Variants in ABCC2 observed in about 807,000 individuals in gnomAD.
ABCC2 encodes ATP binding cassette subfamily C member 2, also known as ATP-binding cassette sub-family C member 2.
Under a neutral mutation model 173.4 loss-of-function variants are expected in ABCC2, and 157 were observed. The observed-to-expected ratio is 0.91, with a 90% CI of 0.80 to 1.03. The LOEUF is 1.03. ABCC2 is among the 50% of genes least tolerant of loss of function. ABCC2 has a pLI of 0.00. For synonymous variants in ABCC2, 657 were observed against 693.5 expected (o/e 0.95, Z 0.83); for missense variants, 1,822 against 1,852.3 (o/e 0.98, Z 0.30).
At chr10:99,838,401 C>T (rs1395312579) in intron 25 of ABCC2, among the ~76,000 whole-genome samples, 48 of 115,412 alleles carry the variant, frequency 4.2e-4, no homozygotes, top group Admixed American at 6.4e-4. Context: ...ACCTCCCTCC[C>T]GGACGGGGCG....
At chr10:99,787,264 C>A (rs7393105) in intron 2 of ABCC2, among the ~76,000 whole-genome samples, 88,085 of 152,062 alleles carry the variant, frequency 0.58, 25,806 homozygotes, top group East Asian at 0.77. Flanking sequence ...CCGTCTCCTC[C>A]TTCCCCTTAT....
intron 16 of ABCC2, among the ~76,000 whole-genome samples, chr10:99,816,905 C>G (rs1469759813): frequency 2.0e-5 from 3 of 152,156 alleles, no homozygotes; most frequent in Admixed American, 6.5e-5. Flanking sequence ...GAAAAATTGT[C>G]TTCCACAAAA....
At chr10:99,845,593 G>A in intron 28 of ABCC2, 31 bp from the exon 29 acceptor site, 2 of 1,613,776 alleles carry the variant, frequency 1.2e-6, no homozygotes, top group Middle Eastern at 1.6e-4. Context: ...ATTATTTGTG[G>A]AACTAATGTG....
rs758213088 is a variant in ABCC2, at chr10:99,782,816, G to A, written c.-29G>A. ...ACAACACAATCATATTAATAGAAGAGTCTTCGTTCCAGACGCAGTCCAGGA... is the reference window on the plus strand; with the variant it reads ...ACAACACAATCATATTAATAGAAGAATCTTCGTTCCAGACGCAGTCCAGGA... On this transcript the variant is annotated 5_prime_UTR_variant, in exon 1 of 32. Transcript: ENST00000647814. 1.2e-6 allele frequency: 2 copies of A among 1,612,906 alleles called. No homozygotes were observed. The highest frequency in any genetic ancestry group is 1.3e-5 in the African/African-American group (1 of 74,928).
chr10:99,822,948 C>T (rs1219800003), intron 19 of ABCC2, among the ~76,000 whole-genome samples: 1 of 151,872 alleles, frequency 6.6e-6, no homozygotes, highest in Non-Finnish European at 1.5e-5. Context: ...TCCGGAACTC[C>T]CATTACAGCA....
At chr10:99,797,794 AAAC>A (rs1469388112) in intron 7 of ABCC2, 1 of 209,182 alleles carries the variant, frequency 4.8e-6, no homozygotes, top group African/African-American at 2.3e-5. Context: ...TAAGAAAATA[AAAC>A]AATAGTGTAT....
chr10:99,784,865 T>C, intron 2 of ABCC2, 84 bp downstream of exon 2: 1 of 1,543,674 alleles, frequency 6.5e-7, no homozygotes, highest in Non-Finnish European at 8.9e-7. Context: ...TTCTCTTCCT[T>C]GTCTTTAAGC....
chr10:99,833,955 TG>T (rs2038779510), intron 23 of ABCC2, among the ~76,000 whole-genome samples: 1 of 152,238 alleles, frequency 6.6e-6, no homozygotes, highest in African/African-American at 2.4e-5. Flanking sequence ...CTGTTCCCGC[TG>T]GGTTCCTTGG....
chr10:99,813,269 G>A lies in ABCC2; in HGVS notation c.2094+125G>A, dbSNP rs372071517. ...GGTCTTGGAGACATCCGATAGATTT[G>A]TGGACTGTGATTCTCCTTCCCATTT... On this transcript the variant is annotated intron_variant, in intron 16 of 31. Transcript: ENST00000647814. The A allele has an allele frequency of 6.2e-4, 809 of 1,294,586 alleles. No homozygotes were observed. The African/African-American group carries it at 9.9e-3, about 16-fold the overall frequency. The allele number at this position is 1,294,586 out of a possible 1,614,324, so 80.2% of individuals were successfully genotyped here.
At position 99,841,009 on chromosome 10, in the gene ABCC2, T is replaced by C. The variant is rs543446854; in HGVS notation, c.3615-958T>C. On this transcript the variant is annotated intron_variant, in intron 25 of 31. Coordinates refer to ENST00000647814, the MANE Select transcript of ABCC2 (RefSeq NM_000392.5). The stretch of plus-strand genomic sequence containing the variant: ...CTAGGCCTGTCACAGTAAAAGTCCA[T>C]TCTTATAAACTGTGTCTATACACAT... Among the ~76,000 whole-genome samples, 4 of 152,280 alleles carry C rather than the reference T, an allele frequency of 2.6e-5. No homozygotes were observed. In the East Asian group the frequency reaches 7.7e-4, roughly 29 times the overall value.
At chr10:99,810,266 G>T in intron 14 of ABCC2, 48 bp downstream of exon 14, 1 of 1,505,226 alleles carries the variant, frequency 6.6e-7, no homozygotes, top group Non-Finnish European at 9.2e-7. Flanking sequence ...CAGTACTGGT[G>T]CCAGAATTTT....
Position 99,836,302 on chromosome 10 carries a change from C to G in ABCC2, c.3614+12C>G. On this transcript the variant is annotated intron_variant, in intron 25 of 31. Coordinates refer to ENST00000647814, the MANE Select transcript of ABCC2 (RefSeq NM_000392.5). ...ATCACCTCCAACAGGTGAGGCTTCC[C>G]CTGGGTATTTACCCATGTGTGTACT... The G allele has an allele frequency of 6.2e-7, 1 of 1,613,996 alleles. No individual in the cohort carries two copies. Among genetic ancestry groups the G allele is most frequent in the Non-Finnish European group, 8.5e-7 (1 of 1,179,884 alleles).
chr10:99,791,112 G>A (rs898859288), intron 2 of ABCC2, among the ~76,000 whole-genome samples: 1 of 152,150 alleles, frequency 6.6e-6, no homozygotes, highest in African/African-American at 2.4e-5. Context: ...GGCATTGTCT[G>A]GGATCAAGAC....
At chr10:99,829,310 A>G (rs2038698103) in intron 19 of ABCC2, among the ~76,000 whole-genome samples, 2 of 152,016 alleles carry the variant, frequency 1.3e-5, no homozygotes, top group Admixed American at 6.6e-5. Context: ...AGCCAAGGAG[A>G]GGGGGGACAG....
intron 28 of ABCC2, 72 bp downstream of exon 28, chr10:99,844,537 G>T (rs911063421): frequency 1.3e-6 from 2 of 1,587,072 alleles, no homozygotes; most frequent in Non-Finnish European, 1.7e-6. Flanking sequence ...GTGGAGAGCA[G>T]CTGGGCCCTA....
Position 99,819,278 on chromosome 10 carries a change from G to C in ABCC2, c.2620+9G>C. 1.2e-6 allele frequency: 2 copies of C among 1,611,296 alleles called. No individual in the cohort carries two copies. The highest frequency in any genetic ancestry group is 1.7e-6 in the Non-Finnish European group (2 of 1,179,052). Reference sequence around the variant, plus strand: ...TGAAGAGGAAGCCACAGGTATGTAAGAAGGATTGGGACAAGATAGAACTTG... The same window carrying C: ...TGAAGAGGAAGCCACAGGTATGTAACAAGGATTGGGACAAGATAGAACTTG... On this transcript the variant is annotated intron_variant, in intron 19 of 31. Transcript: ENST00000647814.
rs2038825442 is a variant in ABCC2, at chr10:99,836,411, C to G, written c.3614+121C>G. 8.8e-6 allele frequency: 9 copies of G among 1,028,158 alleles called. No individual in the cohort carries two copies. The East Asian group carries it at 2.3e-4, about 26-fold the overall frequency. 63.7% of individuals were successfully genotyped at this position (1,028,158 alleles called of 1,614,324 possible). A position where few individuals can be genotyped will look rare whatever the true frequency, so the allele number is the denominator to read the frequency against. Reference sequence around the variant, plus strand: ...AATTCACTCTGGCCACACACACTGTCATGCTATGTAAGTGGAGAGAAGAAA... The same window carrying G: ...AATTCACTCTGGCCACACACACTGTGATGCTATGTAAGTGGAGAGAAGAAA... On this transcript the variant is annotated intron_variant, in intron 25 of 31. Transcript: ENST00000647814.
At chr10:99,803,376 C>A (rs1342568038) in intron 9 of ABCC2, among the ~76,000 whole-genome samples, 1 of 152,320 alleles carries the variant, frequency 6.6e-6, no homozygotes, top group Middle Eastern at 3.4e-3. Flanking sequence ...GAGTATGACT[C>A]CAAATAACAT....
intron 14 of ABCC2, among the ~76,000 whole-genome samples, chr10:99,811,195 G>A (rs1010214612): frequency 5.3e-5 from 8 of 151,978 alleles, no homozygotes; most frequent in African/African-American, 1.9e-4. Flanking sequence ...GCGGGGCATG[G>A]TGGTGCATGC....
Sources: allele counts gnomAD v4.1 joint callset (sites outside exome capture counted in the v4.1 genomes callset), GRCh38; gene constraint gnomAD v4.1.1; transcripts MANE v1.5; gene names NCBI Gene and HGNC (gene_info 2026-07-23, HGNC 2026-07-21).